Variants in POLR1D observed in about 807,000 individuals in gnomAD.
POLR1D encodes the protein RNA polymerase I and III subunit D, also known as DNA-directed RNA polymerases I and III subunit RPAC2.
POLR1D carries 8 observed loss-of-function variants against 10.8 expected under a neutral mutation model. The ratio of observed to expected loss-of-function variants is 0.74; its 90% confidence interval spans 0.43 to 1.33. POLR1D has a LOEUF of 1.33. Among genes scored for constraint, POLR1D ranks in the 40% most tolerant of loss-of-function variants. The pLI is 0.01. For synonymous variants in POLR1D, 54 were observed against 57.2 expected, an observed-to-expected ratio of 0.94 and a Z score of 0.25; for missense variants, 152 against 161.7, an observed-to-expected ratio of 0.94 and a Z score of 0.32.
At chr13:27,655,830 G>A (rs371783209) in intron 2 of POLR1D, among the ~76,000 whole-genome samples, 2 of 142,780 alleles carry the variant, frequency 1.4e-5, no homozygotes, top group Non-Finnish European at 3.3e-5. Context: ...ATAGAGACTG[G>A]GGGAAGAAAG....
chr13:27,653,695 A>G (rs1014010985), intron 2 of POLR1D, among the ~76,000 whole-genome samples: 4 of 152,236 alleles, frequency 2.6e-5, no homozygotes, highest in African/African-American at 9.6e-5. Flanking sequence ...ATTTTTAAGT[A>G]TTTATTCATT....
At chr13:27,636,307 G>A (rs559346551) in intron 1 of POLR1D, among the ~76,000 whole-genome samples, 9 of 152,076 alleles carry the variant, frequency 5.9e-5, no homozygotes, top group Non-Finnish European at 8.8e-5. Context: ...TTTAGTGTTA[G>A]GCAAGTTGTT....
chr13:27,646,873 G>A (rs833088), intron 1 of POLR1D, among the ~76,000 whole-genome samples: 75,643 of 151,902 alleles, frequency 0.5, 21,174 homozygotes, highest in East Asian at 0.82. Flanking sequence ...TAAACTATGT[G>A]CATGCTTTAC....
chr13:27,663,024 G>C lies in POLR1D; in HGVS notation c.102-2662G>C, dbSNP rs1956379369. Among the ~76,000 whole-genome samples the C allele has an allele frequency of 6.6e-6, 1 of 152,184 alleles. No individual in the cohort carries two copies. The highest frequency in any genetic ancestry group is 2.4e-5 in the African/African-American group (1 of 41,456). On this transcript the variant is annotated intron_variant, in intron 2 of 2. Coordinates refer to the POLR1D transcript ENST00000399697. This position sits in a 1 kb window ranked among gnomAD's most constrained non-coding sequence, Gnocchi z 4.1. ...TCTTAGCAATGAAACAACCAACTGT[G>C]AGATTCAGCAAAATTAATTTCTACC... is the stretch of plus-strand genomic sequence containing the variant.
In POLR1D at chr13:27,623,382, C is replaced by G; in HGVS notation, c.*132C>G. On this transcript the variant is annotated 3_prime_UTR_variant, in exon 2 of 2. Transcript: ENST00000302979. ...AAAGGCGTGATTCTAGCTGTTGACC[C>G]CTTGCAGCTGTTGGAATCTCTGCAA... The G allele has an allele frequency of 6.6e-7, 1 of 1,510,288 alleles. No homozygotes were observed. Among genetic ancestry groups the G allele is most frequent in the Non-Finnish European group, 8.8e-7 (1 of 1,130,644 alleles). The allele number at this position is 1,510,288 out of a possible 1,614,324, so 93.6% of individuals were successfully genotyped here. A position where few individuals can be genotyped will look rare whatever the true frequency, so the allele number is the denominator to read the frequency against.
chr13:27,654,913 GA>G (rs1208423305), intron 2 of POLR1D, among the ~76,000 whole-genome samples: 1 of 152,148 alleles, frequency 6.6e-6, no homozygotes, highest in African/African-American at 2.4e-5. Flanking sequence ...ACCTTCTGGA[GA>G]AAAGCAAATT....
intron 2 of POLR1D, among the ~76,000 whole-genome samples, chr13:27,662,448 C>T (rs1956373690): frequency 6.6e-6 from 1 of 151,746 alleles, no homozygotes; most frequent in African/African-American, 2.4e-5. Context: ...GGGATAAAGA[C>T]TATATAAATA....
At chr13:27,643,868 A>C (rs1956196611) in intron 1 of POLR1D, among the ~76,000 whole-genome samples, 1 of 152,202 alleles carries the variant, frequency 6.6e-6, no homozygotes, top group South Asian at 2.1e-4. Flanking sequence ...TTTTCTAAGA[A>C]GTCTGTATTC....
downstream of POLR1D, among the ~76,000 whole-genome samples, chr13:27,627,747 T>A (rs619097): frequency 7.4e-6 from 1 of 135,130 alleles, no homozygotes; most frequent in Admixed American, 7.9e-5. Flanking sequence ...TTTTTTTTTT[T>A]TTTGTCCCAT....
rs1170422120 is a variant in POLR1D, at chr13:27,654,659, C to CTTTG, written c.101+6208_101+6211dup. Among the ~76,000 whole-genome samples, 8 of 152,296 alleles carry CTTTG rather than the reference C, an allele frequency of 5.3e-5. No individual in the cohort carries two copies. The South Asian group carries it at 6.2e-4, about 12-fold the overall frequency. On this transcript the variant is annotated intron_variant, in intron 2 of 2. Coordinates refer to the POLR1D transcript ENST00000399697. ...CATCATAATCTCAAGTACCAGAGTG[C>CTTTG]TTTGTATGTATGTCCCGTTTATACA...
At chr13:27,639,643 T>A (rs950430515) in intron 1 of POLR1D, among the ~76,000 whole-genome samples, 11 of 152,222 alleles carry the variant, frequency 7.2e-5, no homozygotes, top group African/African-American at 2.7e-4. Flanking sequence ...AGTAGGTGTC[T>A]TATGAACTGA....
chr13:27,665,872 C>A (rs1956411501), exon 3 of POLR1D: 2 of 1,613,932 alleles, frequency 1.2e-6, no homozygotes, highest in Non-Finnish European at 1.7e-6. Flanking sequence ...ACAGCTTCCG[C>A]GCTCGAGGTT....
intron 1 of POLR1D, among the ~76,000 whole-genome samples, chr13:27,635,121 G>T (rs1028622518): frequency 2.0e-5 from 3 of 152,132 alleles, no homozygotes; most frequent in East Asian, 3.8e-4. Context: ...AATAGGGGCT[G>T]TTCTTTGTAA....
chr13:27,627,640 G>T (rs974424978), downstream of POLR1D, among the ~76,000 whole-genome samples: 1 of 151,260 alleles, frequency 6.6e-6, no homozygotes, highest in Non-Finnish European at 1.5e-5. Flanking sequence ...GGCGGCTTAT[G>T]ATTAATAACA....
chr13:27,637,399 G>C (rs1356800593), intron 1 of POLR1D, among the ~76,000 whole-genome samples: 2 of 152,162 alleles, frequency 1.3e-5, no homozygotes, highest in African/African-American at 4.8e-5. Flanking sequence ...ACTTTGGCCA[G>C]CTAAGAAGGA....
Position 27,648,408 on chromosome 13 carries a change from CA to C in POLR1D, c.60del (p.Lys20AsnfsTer16). On this transcript the variant is annotated frameshift_variant, in exon 2 of 3. Coordinates refer to the POLR1D transcript ENST00000399697. LOFTEE classifies it high-confidence loss of function. ...GCAATAGAAGAACTGCTTAAGGAGGCAAAACGTGGGAAAACTAGAGCTGAAA... is the reference window on the plus strand; with the variant it reads ...GCAATAGAAGAACTGCTTAAGGAGGCAAACGTGGGAAAACTAGAGCTGAAA... 1 of 1,610,626 alleles carries C rather than the reference CA, an allele frequency of 6.2e-7. No individual in the cohort carries two copies. Among genetic ancestry groups the C allele is most frequent in the Non-Finnish European group, 8.5e-7 (1 of 1,177,474 alleles).
downstream of POLR1D, among the ~76,000 whole-genome samples, chr13:27,625,646 G>A (rs1252866386): frequency 3.3e-5 from 5 of 150,362 alleles, no homozygotes; most frequent in African/African-American, 1.2e-4. Flanking sequence ...CCATAAAGAT[G>A]ACATAAATTG....
chr13:27,642,197 G>A (rs1355015674), intron 1 of POLR1D, among the ~76,000 whole-genome samples: 1 of 152,224 alleles, frequency 6.6e-6, no homozygotes, highest in Non-Finnish European at 1.5e-5. Context: ...GCTCACTGAA[G>A]GGAAAAGTGT....
chr13:27,630,928 T>C (rs939912697), intron 1 of POLR1D, among the ~76,000 whole-genome samples: 19 of 152,150 alleles, frequency 1.2e-4, no homozygotes, highest in African/African-American at 3.4e-4. Flanking sequence ...ACGCTGGCCT[T>C]CTCACTTTTA....
Sources: allele counts gnomAD v4.1 joint callset (sites outside exome capture counted in the v4.1 genomes callset), GRCh38; gene constraint gnomAD v4.1.1; non-coding constraint Gnocchi (gnomAD v3.1); transcripts MANE v1.5; gene names NCBI Gene and HGNC (gene_info 2026-07-23, HGNC 2026-07-21).